The following BEND3 variants were observed in gnomAD, a reference collection of about 807,000 sequenced individuals.
The protein encoded by BEND3 is BEN domain-containing protein 3.
Under a neutral mutation model 60.1 loss-of-function variants are expected in BEND3, and 13 were observed. The ratio of observed to expected loss-of-function variants is 0.22; its 90% CI spans 0.14 to 0.34. BEND3 has a LOEUF of 0.34. BEND3 is among the 10% of genes least tolerant of loss of function. BEND3 has a pLI of 1.00. For missense variants in BEND3, 896 were observed against 1,138.1 expected, an observed-to-expected ratio of 0.79 and a Z score of 3.06; for synonymous variants, 497 against 491.5, an observed-to-expected ratio of 1.01 and a Z score of -0.15.
intron 3 of BEND3, among the ~76,000 whole-genome samples, chr6:107,093,650 C>G (rs1407748157): frequency 6.6e-6 from 1 of 152,180 alleles, no homozygotes; most frequent in Non-Finnish European, 1.5e-5. Flanking sequence ...GGAACACAGT[C>G]TTTTCAACAT....
intron 3 of BEND3, among the ~76,000 whole-genome samples, chr6:107,090,766 A>G (rs1168680183): frequency 6.6e-6 from 1 of 151,842 alleles, no homozygotes; most frequent in Admixed American, 6.6e-5. Context: ...GGCAACCATT[A>G]AAAAAAAGAA....
chr6:107,102,292 G>C lies in BEND3; in HGVS notation c.-11-2996C>G, dbSNP rs1290897747. Among the ~76,000 whole-genome samples, 3 of 152,310 alleles carry C rather than the reference G, an allele frequency of 2.0e-5. No homozygotes were observed. The East Asian group carries it at 5.8e-4, about 29-fold the overall frequency. On this transcript the variant is annotated intron_variant, in intron 1 of 3. Transcript: ENST00000369042. Reference sequence around the variant, plus strand: ...CCACATGGAGCCTGCCGGGAATGTGGCTTGGTGAGCAGAAAACCTATTTTC... The same window carrying C: ...CCACATGGAGCCTGCCGGGAATGTGCCTTGGTGAGCAGAAAACCTATTTTC...
Position 107,070,240 on chromosome 6 carries a change from C to T in BEND3, c.951G>A (p.Ser317=), listed in dbSNP as rs145949589. The T allele has an allele frequency of 5.0e-5, 80 of 1,612,900 alleles. No homozygotes were observed. The African/African-American group carries it at 7.5e-4, about 15-fold the overall frequency. The change falls in exon 4 of 4, where the codon TCG becomes TCA. Residue 317 remains serine (S), a synonymous_variant. Coordinates refer to ENST00000369042, the MANE Select transcript of BEND3 (RefSeq NM_001367314.1). The surrounding 1 kb of genome is among the most constrained non-coding windows in gnomAD (Gnocchi z 6.9). ...CCTGCCACACAGCCGTGTCCTTCAC[C>T]GAGGGGTAGTAGACCTCCACATAGT... ...IRNYVEVYYP[S]VKDTAVWQAE... is the part of the protein sequence containing the mutation.
intron 3 of BEND3, among the ~76,000 whole-genome samples, chr6:107,076,815 A>G (rs1333469672): frequency 6.6e-6 from 1 of 151,966 alleles, no homozygotes; most frequent in Non-Finnish European, 1.5e-5. Context: ...CATTTTCAAC[A>G]TTATTATTTT....
intron 3 of BEND3, among the ~76,000 whole-genome samples, chr6:107,075,050 C>T (rs1775071290): frequency 6.6e-6 from 1 of 151,672 alleles, no homozygotes; most frequent in African/African-American, 2.4e-5. Flanking sequence ...GCAGTGAGTG[C>T]CACTGCACTC....
At chr6:107,109,577 A>C (rs559181376) in intron 1 of BEND3, among the ~76,000 whole-genome samples, 3 of 151,992 alleles carry the variant, frequency 2.0e-5, no homozygotes, top group Middle Eastern at 3.4e-3. Flanking sequence ...CATCTCTATA[A>C]AAAATACAAA....
chr6:107,074,916 G>A (rs782118162), intron 3 of BEND3, among the ~76,000 whole-genome samples: 88 of 151,914 alleles, frequency 5.8e-4, no homozygotes, highest in Non-Finnish European at 1.0e-3. Flanking sequence ...CCTGGCTAAC[G>A]CAGTGAAACT....
At chr6:107,081,373 A>T (rs1775229731) in intron 3 of BEND3, among the ~76,000 whole-genome samples, 1 of 151,656 alleles carries the variant, frequency 6.6e-6, no homozygotes, top group Non-Finnish European at 1.5e-5. Context: ...GACGCCCACC[A>T]CTACGCCTGG....
intron 3 of BEND3, among the ~76,000 whole-genome samples, chr6:107,084,855 A>ATGGACCAATCAGCGCTCTGTAAAG (rs1554233988): frequency 2.0e-5 from 3 of 152,228 alleles, no homozygotes; most frequent in East Asian, 3.8e-4. Context: ...GCTCTGTAAA[A>ATGGACCAATCAGCGCTCTGTAAAG]TGGACCAATC....
At chr6:107,113,255 G>A (rs1770158290) in intron 1 of BEND3, among the ~76,000 whole-genome samples, 1 of 151,756 alleles carries the variant, frequency 6.6e-6, no homozygotes, top group East Asian at 1.9e-4. Flanking sequence ...GGGCAACATG[G>A]TGAAACTCCG....
Position 107,070,366 on chromosome 6 carries a change from G to A in BEND3, c.825C>T (p.Phe275=), listed in dbSNP as rs1420947308. 3 of 1,613,536 alleles carry A rather than the reference G, an allele frequency of 1.9e-6. No homozygotes were observed. Among genetic ancestry groups the A allele is most frequent in the Admixed American group, 1.7e-5 (1 of 60,006 alleles). The change falls in exon 4 of 4, where the codon TTC becomes TTT. Residue 275 remains phenylalanine, a synonymous_variant. Transcript: ENST00000369042. This position sits in a 1 kb window ranked among gnomAD's most constrained non-coding sequence, Gnocchi z 6.9. The part of the protein sequence containing the change: ...DLACRLLVQL[F]PELFSDVDFS... ...AGTCCACGTCGCTGAAGAGCTCGGG[G>A]AAGAGCTGCACCAGCAAGCGGCAGG... is the stretch of plus-strand genomic sequence containing the variant.
In BEND3 at chr6:107,069,028, C is replaced by G; in HGVS notation, c.2163G>C (p.Leu721=). 6.2e-7 allele frequency: 1 copy of G among 1,613,744 alleles called. No homozygotes were observed. The highest frequency in any genetic ancestry group is 1.1e-5 in the South Asian group (1 of 91,086). ...PDFPVPSPYL[L]SDKEVREIVQ... ...CGATCTCACGCACCTCCTTGTCAGA[C>G]AGCAGGTAGGGAGAAGGCACCGGGA... The change falls in exon 4 of 4, where the codon CTG becomes CTC. Residue 721 remains leucine, a synonymous_variant. Transcript: ENST00000369042.
intron 3 of BEND3, among the ~76,000 whole-genome samples, chr6:107,085,541 G>A (rs1381246808): frequency 7.2e-5 from 11 of 152,002 alleles, no homozygotes; most frequent in African/African-American, 2.4e-4. Flanking sequence ...GCCCAGGCTG[G>A]ACTGCAGTGG....
At position 107,066,979 on chromosome 6, in the gene BEND3, C is replaced by A. The variant is rs1279770756; in HGVS notation, c.*1725G>T. Reference sequence around the variant, plus strand: ...TGAGTAGCTGTGTAAGACAGAGAGTCATTCAGTCCCTGTGCCTTTCTAAAT... The same window carrying A: ...TGAGTAGCTGTGTAAGACAGAGAGTAATTCAGTCCCTGTGCCTTTCTAAAT... On this transcript the variant is annotated 3_prime_UTR_variant, in exon 4 of 4. Coordinates refer to ENST00000369042, the MANE Select transcript of BEND3 (RefSeq NM_001367314.1). The A allele has an allele frequency of 6.6e-6, 1 of 152,186 alleles. No individual in the cohort carries two copies. Among genetic ancestry groups the A allele is most frequent in the Non-Finnish European group, 1.5e-5 (1 of 68,038 alleles). The allele number at this position is 152,186 out of a possible 1,614,324, so 9.4% of individuals were successfully genotyped here.
chr6:107,098,905 C>T (rs1435328026), intron 2 of BEND3, 152 bp from the exon 3 acceptor site: 4 of 657,854 alleles, frequency 6.1e-6, no homozygotes, highest in Admixed American at 5.4e-5. Context: ...AGCTTTCCAA[C>T]GATGCAATCT....
chr6:107,114,499 C>A (rs1445337333), intron 1 of BEND3: 1 of 151,674 alleles, frequency 6.6e-6, no homozygotes, highest in Non-Finnish European at 1.5e-5. Flanking sequence ...CCGGAGGCTT[C>A]GTTCCTCCGA....
At chr6:107,112,856 GA>G (rs1201523509) in intron 1 of BEND3, among the ~76,000 whole-genome samples, 3,222 of 80,060 alleles carry the variant, frequency 0.04, 111 homozygotes, top group African/African-American at 0.13. Flanking sequence ...TCTGTCTCAA[GA>G]AAAAAAAAAA....
intron 3 of BEND3, among the ~76,000 whole-genome samples, chr6:107,093,147 C>T (rs576284535): frequency 1.3e-5 from 2 of 152,212 alleles, no homozygotes; most frequent in East Asian, 1.9e-4. Flanking sequence ...TTTATATGGA[C>T]AGACAAAAGC....
In BEND3 at chr6:107,069,853, C is replaced by A; in HGVS notation, c.1338G>T (p.Gln446His). 1.2e-6 allele frequency: 2 copies of A among 1,613,740 alleles called. No homozygotes were observed. The highest frequency in any genetic ancestry group is 2.2e-5 in the South Asian group (2 of 91,078). The change falls in exon 4 of 4, where the codon CAG (glutamine) becomes CAT (histidine). Residue 446 changes from glutamine to histidine, a missense_variant. Coordinates refer to ENST00000369042, the MANE Select transcript of BEND3 (RefSeq NM_001367314.1). Reference sequence around the variant, plus strand: ...TGTAGTTGCGGATGATCTGCAGCCGCTGCGGGTCCAGCTCCTGCTTTCCAC... The same window carrying A: ...TGTAGTTGCGGATGATCTGCAGCCGATGCGGGTCCAGCTCCTGCTTTCCAC... Reference protein sequence around the residue: ...GDGGKQELDPQRLQIIRNYTE... With the variant: ...GDGGKQELDPHRLQIIRNYTE...
Sources: allele counts gnomAD v4.1 joint callset (sites outside exome capture counted in the v4.1 genomes callset), GRCh38; gene constraint gnomAD v4.1.1; non-coding constraint Gnocchi (gnomAD v3.1); transcripts MANE v1.5; gene names NCBI Gene and HGNC (gene_info 2026-07-23, HGNC 2026-07-21).